The following EPDR1 variants were observed in gnomAD, a reference collection of about 807,000 sequenced individuals.
EPDR1 encodes the protein mammalian ependymin-related protein 1.
Under a neutral mutation model 23.7 loss-of-function variants are expected in EPDR1, and 27 were observed. The ratio of observed to expected loss-of-function variants is 1.14; its 90% CI spans 0.84 to 1.57. EPDR1 has a LOEUF of 1.57. Among genes scored for constraint, EPDR1 ranks in the 40% most tolerant of loss-of-function variants. The probability of loss-of-function intolerance (pLI) is 0.00; values close to 1 mark genes in which losing one functional copy is unlikely to be tolerated. For missense variants in EPDR1, 349 were observed against 290.4 expected (o/e 1.20, Z -1.47); for synonymous variants, 137 against 118.2 (o/e 1.16, Z -1.03).
intron 1 of EPDR1, among the ~76,000 whole-genome samples, chr7:37,935,648 A>G (rs1786031814): frequency 6.6e-6 from 1 of 152,034 alleles, no homozygotes; most frequent in African/African-American, 2.4e-5. Flanking sequence ...TGTAAACCTT[A>G]TGCCAAATTA....
intron 1 of EPDR1, among the ~76,000 whole-genome samples, chr7:37,948,577 G>T (rs1422827038): frequency 6.6e-6 from 1 of 151,874 alleles, no homozygotes; most frequent in East Asian, 1.9e-4. Flanking sequence ...CAAACTCCTG[G>T]GCTCAAAACG....
chr7:37,924,674 G>A (rs1002601360), intron 1 of EPDR1, among the ~76,000 whole-genome samples: 3 of 152,220 alleles, frequency 2.0e-5, no homozygotes, highest in African/African-American at 4.8e-5. Context: ...CTTTCTTTCC[G>A]AGTTCTTGGC....
chr7:37,941,959 A>G (rs1051488733), intron 1 of EPDR1, among the ~76,000 whole-genome samples: 5 of 152,194 alleles, frequency 3.3e-5, no homozygotes, highest in Non-Finnish European at 7.3e-5. Flanking sequence ...AAAAGTGGTC[A>G]TTATACTAGT....
intron 1 of EPDR1, among the ~76,000 whole-genome samples, chr7:37,935,344 T>C (rs527368574): frequency 6.6e-6 from 1 of 152,236 alleles, no homozygotes; most frequent in African/African-American, 2.4e-5. Context: ...CTTTGTTACG[T>C]AGTAGAGCAA....
At chr7:37,931,506 T>C (rs1785937887) in intron 1 of EPDR1, among the ~76,000 whole-genome samples, 1 of 150,682 alleles carries the variant, frequency 6.6e-6, no homozygotes, top group Admixed American at 6.6e-5. Context: ...AGAGCAAGAC[T>C]CCATAAAAAA....
chr7:37,922,672 G>GGGGA (rs1554372871), intron 1 of EPDR1, among the ~76,000 whole-genome samples: 1 of 151,104 alleles, frequency 6.6e-6, no homozygotes, highest in African/African-American at 2.4e-5. Context: ...AGCTAGGGGG[G>GGGGA]GGTTCTGACG....
In EPDR1 at chr7:37,936,035, T is replaced by C. The variant is rs1157098250; in HGVS notation, c.270-12805T>C. Among the ~76,000 whole-genome samples, 305 of 95,024 alleles carry C rather than the reference T, an allele frequency of 3.2e-3. 21 individuals are homozygous for C. The highest frequency in any genetic ancestry group is 7.8e-3 in the African/African-American group (183 of 23,588). The allele number at this position is 95,024 out of a possible 152,430, so 62.3% of individuals were successfully genotyped here. ...ATATATATATATATATATATATATA[T>C]ATATACACAAGGGAAATGTGAATCT... On this transcript the variant is annotated intron_variant, in intron 1 of 2. Coordinates refer to ENST00000199448, the MANE Select transcript of EPDR1 (RefSeq NM_017549.5).
intron 1 of EPDR1, among the ~76,000 whole-genome samples, chr7:37,932,275 C>T (rs958177179): frequency 6.6e-6 from 1 of 152,068 alleles, no homozygotes; most frequent in Non-Finnish European, 1.5e-5. Context: ...GCCATGACTG[C>T]ATTTTTAATT....
chr7:37,930,168 G>A (rs369162391), intron 1 of EPDR1, among the ~76,000 whole-genome samples: 2 of 152,326 alleles, frequency 1.3e-5, no homozygotes, highest in African/African-American at 2.4e-5. Context: ...TCTTCTGGTA[G>A]AGTTCTAGAA....
intron 2 of EPDR1, among the ~76,000 whole-genome samples, chr7:37,949,617 A>T (rs1786355681): frequency 6.6e-6 from 1 of 152,188 alleles, no homozygotes; most frequent in Non-Finnish European, 1.5e-5. Flanking sequence ...GTATATATAT[A>T]TATGCCCCAA....
chr7:37,930,019 C>A (rs1012580580), intron 1 of EPDR1, among the ~76,000 whole-genome samples: 1 of 152,134 alleles, frequency 6.6e-6, no homozygotes, highest in African/African-American at 2.4e-5. Context: ...TACCCTCAGT[C>A]CCCCCAAAGA....
intron 1 of EPDR1, among the ~76,000 whole-genome samples, chr7:37,947,168 G>GTACCATTTTTTA (rs1465209509): frequency 1.3e-5 from 2 of 152,106 alleles, no homozygotes; most frequent in East Asian, 3.8e-4. Flanking sequence ...CTATACATGC[G>GTACCATTTTTTA]TACCATTTTT....
At chr7:37,923,345 G>A (rs1469044177) in intron 1 of EPDR1, among the ~76,000 whole-genome samples, 1 of 152,182 alleles carries the variant, frequency 6.6e-6, no homozygotes, top group African/African-American at 2.4e-5. Context: ...TTCAACTGAG[G>A]AAAATGTACA....
In EPDR1 at chr7:37,948,908, G is replaced by A. The variant is rs1243127286; in HGVS notation, c.338G>A (p.Cys113Tyr). The A allele has an allele frequency of 1.9e-6, 3 of 1,613,990 alleles. No individual in the cohort carries two copies. The highest frequency in any genetic ancestry group is 2.5e-6 in the Non-Finnish European group (3 of 1,180,032). Residue 113 changes from cysteine to tyrosine, a missense_variant, in exon 2 of 3, where the codon TGC becomes TAC. By Grantham distance (194) the Cys-to-Tyr change is radical (BLOSUM62 -2). Transcript: ENST00000199448. ...CAGATTGACCAAGCCACCAAGCAGT[G>A]CTCAAAGATGACCCTGACACAGCCC... ...MFQIDQATKQ[C>Y]SKMTLTQPWD...
chr7:37,921,062 G>C lies in EPDR1; in HGVS notation c.123G>C (p.Pro41=). The change falls in exon 1 of 3, where the codon CCG becomes CCC. Residue 41 remains proline, a synonymous_variant. Coordinates refer to ENST00000199448, the MANE Select transcript of EPDR1 (RefSeq NM_017549.5). Reference sequence around the variant, plus strand: ...TGGGGGCGGTGGGAGCCCCGCGCCCGTGCCAGGCGCCGCAGCAGTGGGAGG... The same window carrying C: ...TGGGGGCGGTGGGAGCCCCGCGCCCCTGCCAGGCGCCGCAGCAGTGGGAGG... ...CSLGAVGAPR[P]CQAPQQWEGR... is the part of the protein sequence containing the mutation. 8 of 1,555,292 alleles carry C rather than the reference G, an allele frequency of 5.1e-6. No individual in the cohort carries two copies. Among genetic ancestry groups the C allele is most frequent in the Non-Finnish European group, 6.9e-6 (8 of 1,156,590 alleles).
rs752536687 is a variant in EPDR1, at chr7:37,935,993, CATATATATATATATATATATATATAT to C, written c.270-12825_270-12800del. Among the ~76,000 whole-genome samples the C allele has an allele frequency of 1.8e-4, 8 of 45,588 alleles. 1 individual carries two copies. The South Asian group carries it at 2.8e-3, about 16-fold the overall frequency. 29.9% of individuals were successfully genotyped at this position (45,588 alleles called of 152,430 possible). A position where few individuals can be genotyped will look rare whatever the true frequency, so the allele number is the denominator to read the frequency against. ...TGATTTGGGAACTAGCAAATCATGG[CATATATATATATATATATATATATAT>C]ATATATATATATATATATATACACA... On this transcript the variant is annotated intron_variant, in intron 1 of 2. Transcript: ENST00000199448.
intron 1 of EPDR1, among the ~76,000 whole-genome samples, chr7:37,935,686 C>T (rs1254444457): frequency 6.6e-6 from 1 of 151,276 alleles, no homozygotes; most frequent in Non-Finnish European, 1.5e-5. Context: ...TTTTTCCCTG[C>T]TTCTAGTAGG....
chr7:37,934,572 G>A (rs540814938), intron 1 of EPDR1, among the ~76,000 whole-genome samples: 1 of 152,166 alleles, frequency 6.6e-6, no homozygotes, highest in Admixed American at 6.5e-5. Context: ...CTAAGAATAT[G>A]AGTACAGTCA....
At chr7:37,930,903 A>G (rs1785923627) in intron 1 of EPDR1, among the ~76,000 whole-genome samples, 1 of 152,236 alleles carries the variant, frequency 6.6e-6, no homozygotes, top group Non-Finnish European at 1.5e-5. Flanking sequence ...GTGTGTTTGC[A>G]TAAGTTTATA....
Sources: allele counts gnomAD v4.1 joint callset (sites outside exome capture counted in the v4.1 genomes callset), GRCh38; gene constraint gnomAD v4.1.1; transcripts MANE v1.5; gene names NCBI Gene and HGNC (gene_info 2026-07-23, HGNC 2026-07-21).